Variants in SEMA3A observed in about 807,000 individuals in gnomAD.
SEMA3A encodes the protein semaphorin 3A, also known as semaphorin-3A.
Under a neutral mutation model 97.9 loss-of-function variants are expected in SEMA3A, and 29 were observed. That is an observed-to-expected ratio of 0.30 (90% CI 0.22 to 0.40). SEMA3A has a LOEUF of 0.40. SEMA3A is among the 10% of genes least tolerant of loss of function. The probability of loss-of-function intolerance (pLI) is 1.00; values close to 1 mark genes in which losing one functional copy is unlikely to be tolerated. For synonymous variants in SEMA3A, 321 were observed against 323.7 expected, an observed-to-expected ratio of 0.99 and a Z score of 0.09; for missense variants, 763 against 951.3, an observed-to-expected ratio of 0.80 and a Z score of 2.60.
At chr7:83,995,771 A>G (rs1272357422) in intron 12 of SEMA3A, among the ~76,000 whole-genome samples, 6 of 152,210 alleles carry the variant, frequency 3.9e-5, no homozygotes, top group Admixed American at 3.3e-4. Context: ...TTTTTCAGAT[A>G]CTTTAGTCCT....
intron 3 of SEMA3A, among the ~76,000 whole-genome samples, chr7:84,237,820 A>T (rs1250302904): frequency 6.6e-6 from 1 of 152,158 alleles, no homozygotes; most frequent in Non-Finnish European, 1.5e-5. Context: ...TGAGACCCAG[A>T]TGCAACCAAT....
intron 6 of SEMA3A, among the ~76,000 whole-genome samples, chr7:84,040,407 C>G (rs1273834165): frequency 6.6e-6 from 1 of 152,060 alleles, no homozygotes; most frequent in Non-Finnish European, 1.5e-5. Flanking sequence ...TCACCCCATT[C>G]ATAGCTTCAA....
At chr7:84,404,698 G>A (rs1370117730) in intron 1 of SEMA3A, among the ~76,000 whole-genome samples, 2 of 152,128 alleles carry the variant, frequency 1.3e-5, no homozygotes, top group African/African-American at 2.4e-5. Context: ...CTGATCTCTT[G>A]GCAGAAACTC....
Position 84,014,309 on chromosome 7 carries a change from T to A in SEMA3A, c.710A>T (p.Asn237Ile), listed in dbSNP as rs146698230. The change falls in exon 7 of 17, where the codon AAT becomes ATT. Residue 237 changes from asparagine to isoleucine, a missense_variant. By Grantham distance (149) the Asn-to-Ile change is moderately radical. Transcript: ENST00000265362. ...AAAGTATACTTTGTCATCTTCAGGA[T>A]TGTCACTCTCTGAGATGAGGTGGGC... ...ISAHLISESD[N>I]PEDDKVYFFF... 3.7e-6 allele frequency: 6 copies of A among 1,612,334 alleles called. No homozygotes were observed. In the Admixed American group the frequency reaches 6.7e-5, roughly 18 times the overall value.
At chr7:84,012,317 A>G (rs938712164) in intron 7 of SEMA3A, among the ~76,000 whole-genome samples, 5 of 152,310 alleles carry the variant, frequency 3.3e-5, no homozygotes, top group South Asian at 2.1e-4. Context: ...CATGTTGCAC[A>G]CAGTAAATAT....
intron 1 of SEMA3A, among the ~76,000 whole-genome samples, chr7:84,461,838 C>A (rs1196869466): frequency 1.3e-5 from 2 of 152,048 alleles, no homozygotes; most frequent in Non-Finnish European, 2.9e-5. Context: ...TTCTCTGAAT[C>A]TTATTTCTCA....
intron 1 of SEMA3A, among the ~76,000 whole-genome samples, chr7:84,389,143 G>A (rs1803477078): frequency 6.6e-6 from 1 of 151,998 alleles, no homozygotes; most frequent in Non-Finnish European, 1.5e-5. Context: ...AGCTTTTTCT[G>A]TCAGACACAA....
chr7:84,450,451 C>T (rs1002680753), intron 1 of SEMA3A, among the ~76,000 whole-genome samples: 3 of 152,150 alleles, frequency 2.0e-5, no homozygotes, highest in African/African-American at 7.2e-5. Flanking sequence ...CTCTTGACCT[C>T]AGTGACATGA....
At chr7:84,468,907 G>A (rs879445900) in intron 1 of SEMA3A, among the ~76,000 whole-genome samples, 4 of 151,610 alleles carry the variant, frequency 2.6e-5, no homozygotes, top group Non-Finnish European at 5.9e-5. Context: ...TAGTTTTCAA[G>A]TATTGCTTGT....
intron 3 of SEMA3A, among the ~76,000 whole-genome samples, chr7:84,208,080 T>G (rs749444069): frequency 1.3e-5 from 2 of 152,192 alleles, no homozygotes; most frequent in Non-Finnish European, 2.9e-5. Context: ...GCCTACATTA[T>G]ATACACACAC....
chr7:84,046,193 A>G (rs1792340739), intron 6 of SEMA3A, 131 bp downstream of exon 6: 5 of 999,690 alleles, frequency 5.0e-6, no homozygotes, highest in East Asian at 2.5e-5. Context: ...ACCCACCATC[A>G]TGAAGTCACC....
At chr7:84,261,869 A>G (rs548278961) in intron 3 of SEMA3A, among the ~76,000 whole-genome samples, 1 of 152,372 alleles carries the variant, frequency 6.6e-6, no homozygotes, top group Admixed American at 6.5e-5. Flanking sequence ...TTTCAACTGG[A>G]AAAGTGACAC....
chr7:84,370,845 GA>G (rs1393026645), intron 2 of SEMA3A, among the ~76,000 whole-genome samples: 1 of 151,094 alleles, frequency 6.6e-6, no homozygotes, highest in Non-Finnish European at 1.5e-5. Flanking sequence ...TTCTAAGGCA[GA>G]AAAAAAGATT....
chr7:84,090,003 A>G (rs1794512941), intron 4 of SEMA3A, among the ~76,000 whole-genome samples: 1 of 152,078 alleles, frequency 6.6e-6, no homozygotes, highest in African/African-American at 2.4e-5. Flanking sequence ...GATGATTTGA[A>G]GTTAGATCTA....
chr7:84,222,991 A>G (rs1798914461), intron 3 of SEMA3A, among the ~76,000 whole-genome samples: 1 of 151,898 alleles, frequency 6.6e-6, no homozygotes, highest in Non-Finnish European at 1.5e-5. Flanking sequence ...TTCTCAATAT[A>G]AAATCTTAGA....
At chr7:84,135,043 G>T (rs1038363544) in intron 1 of SEMA3A, 92 bp from the exon 2 acceptor site, 9 of 924,450 alleles carry the variant, frequency 9.7e-6, no homozygotes, top group Non-Finnish European at 1.5e-5. Flanking sequence ...TATATTGACT[G>T]CTGTAGTTAT....
In SEMA3A at chr7:84,429,516, T is replaced by TTATATATATATATATATATATA. The variant is rs10523978; in HGVS notation, c.-245-57638_-245-57617dup. Reference sequence around the variant, plus strand: ...TTGCATTAGTAAAATATAGAGTTTGTTATATATATATATATATATATATAT... The same window carrying TTATATATATATATATATATATA: ...TTGCATTAGTAAAATATAGAGTTTGTTATATATATATATATATATATATATATATATATATATATATATATAT... On this transcript the variant is annotated intron_variant, in intron 1 of 3. Coordinates refer to the SEMA3A transcript ENST00000424555. Among the ~76,000 whole-genome samples the TTATATATATATATATATATATA allele has an allele frequency of 6.3e-3, 454 of 72,216 alleles. 7 individuals carry two copies. Among genetic ancestry groups the TTATATATATATATATATATATA allele is most frequent in the African/African-American group, 0.011 (153 of 14,080 alleles). 47.4% of individuals were successfully genotyped at this position (72,216 alleles called of 152,430 possible). A position where few individuals can be genotyped will look rare whatever the true frequency, so the allele number is the denominator to read the frequency against.
chr7:84,038,323 C>T (rs575882105), intron 6 of SEMA3A, among the ~76,000 whole-genome samples: 1 of 152,216 alleles, frequency 6.6e-6, no homozygotes, highest in Admixed American at 6.5e-5. Flanking sequence ...GTGCATTTTA[C>T]TACATTTTTA....
At chr7:84,124,757 A>C (rs779001638) in intron 3 of SEMA3A, among the ~76,000 whole-genome samples, 9 of 152,150 alleles carry the variant, frequency 5.9e-5, no homozygotes, top group Non-Finnish European at 1.3e-4. Context: ...AAAATCATAT[A>C]TTAAGAAAGA....
Sources: allele counts gnomAD v4.1 joint callset (sites outside exome capture counted in the v4.1 genomes callset), GRCh38; gene constraint gnomAD v4.1.1; transcripts MANE v1.5; gene names NCBI Gene and HGNC (gene_info 2026-07-23, HGNC 2026-07-21).